Variants in INTS6 observed in about 807,000 individuals in gnomAD.
The protein encoded by INTS6 is DEAD box protein.
INTS6 carries 16 observed loss-of-function variants against 104.9 expected under a neutral mutation model. That is an observed-to-expected ratio of 0.15 (90% CI 0.10 to 0.23). The LOEUF (loss-of-function observed/expected upper bound fraction) is 0.23, where lower values mean the gene tolerates loss of function less well. Among genes scored for constraint, INTS6 ranks in the 10% least tolerant of loss-of-function variants. The pLI, the probability that INTS6 is intolerant of heterozygous loss-of-function variation, is 1.00. For synonymous variants in INTS6, 324 were observed against 358.7 expected (o/e 0.90, Z 1.09); for missense variants, 584 against 1,062.8 (o/e 0.55, Z 6.26).
chr13:51,345,873 G>C, the INTS6 span, among the ~76,000 whole-genome samples: 2 of 152,202 alleles, frequency 1.3e-5, no homozygotes, highest in African/African-American at 2.4e-5. Context: ...GGGGCAGTTG[G>C]CTCAGTTGCT....
chr13:51,450,870 G>A, intron 3 of INTS6, 155 bp downstream of exon 3: 1 of 1,259,694 alleles, frequency 7.9e-7, no homozygotes, highest in Non-Finnish European at 1.0e-6. Flanking sequence ...AATATATATA[G>A]TAGGGTAAGA....
At chr13:51,443,041 A>G (rs1952826960) in intron 3 of INTS6, 1 of 152,258 alleles carries the variant, frequency 6.6e-6, no homozygotes, top group Non-Finnish European at 1.5e-5. Flanking sequence ...ATACTGCATT[A>G]CAGAACTATA....
At chr13:51,344,552 C>A in the INTS6 span, 3 of 1,314,872 alleles carry the variant, frequency 2.3e-6, no homozygotes, top group South Asian at 1.3e-5. Context: ...TCTCACCCAT[C>A]ACTTGTCAGA....
rs1480417645 is a variant in INTS6, at chr13:51,362,920, C to T, written c.*2832G>A. ...GAAAAAGTCCATCAACAGAGTATGT[C>T]TTCCTAGTATTTCACCATGATCATC... On this transcript the variant is annotated 3_prime_UTR_variant, in exon 18 of 18. Transcript: ENST00000311234. The T allele has an allele frequency of 6.6e-6, 1 of 152,194 alleles. No homozygotes were observed. Among genetic ancestry groups the T allele is most frequent in the Non-Finnish European group, 1.5e-5 (1 of 67,878 alleles). 9.4% of individuals were successfully genotyped at this position (152,194 alleles called of 1,614,324 possible).
chr13:51,402,291 T>G (rs1237453960), intron 4 of INTS6, among the ~76,000 whole-genome samples: 2 of 152,156 alleles, frequency 1.3e-5, no homozygotes, highest in Non-Finnish European at 2.9e-5. Context: ...TGAACTGTAA[T>G]ATAAGATTGT....
Position 51,362,043 on chromosome 13 carries a change from C to A in INTS6, c.*3709G>T. On this transcript the variant is annotated 3_prime_UTR_variant, in exon 18 of 18. Transcript: ENST00000311234. ...AAGCTACCCAGTTGCTATCTTCTAT[C>A]CTAAGAAAGGGGACTATTTCGTAAG... 1 of 1,586,634 alleles carries A rather than the reference C, an allele frequency of 6.3e-7. No individual in the cohort carries two copies. Among genetic ancestry groups the A allele is most frequent in the African/African-American group, 1.4e-5 (1 of 73,088 alleles).
intron 4 of INTS6, among the ~76,000 whole-genome samples, chr13:51,424,914 T>C (rs775528715): frequency 6.6e-6 from 1 of 152,048 alleles, no homozygotes; most frequent in Non-Finnish European, 1.5e-5. Flanking sequence ...TCTAAGTGTC[T>C]TAGGAAAAGC....
At chr13:51,394,028 T>TAAA (rs796248495) in intron 5 of INTS6, among the ~76,000 whole-genome samples, 1 of 141,438 alleles carries the variant, frequency 7.1e-6, no homozygotes, top group Non-Finnish European at 1.5e-5. Flanking sequence ...CCCCAGAGTT[T>TAAA]AAAAAAAAAA....
chr13:51,346,915 G>A, the INTS6 span: 2 of 727,494 alleles, frequency 2.7e-6, no homozygotes, highest in African/African-American at 1.7e-5. Flanking sequence ...TAAGCAAAAA[G>A]ACCTGCATTT....
chr13:51,353,158 A>C (rs1261410767), downstream of INTS6, among the ~76,000 whole-genome samples: 1 of 152,172 alleles, frequency 6.6e-6, no homozygotes, highest in East Asian at 1.9e-4. Flanking sequence ...CATACAAGAC[A>C]ATCACTCTAA....
At chr13:51,350,713 G>A (rs201708390), downstream of INTS6, among the ~76,000 whole-genome samples, 43 of 152,164 alleles carry the variant, frequency 2.8e-4, no homozygotes, top group East Asian at 8.3e-3. Context: ...TGTTCACAAA[G>A]TTGTGCAACC....
At chr13:51,408,493 AG>A (rs560901887) in intron 4 of INTS6, among the ~76,000 whole-genome samples, 132 of 152,310 alleles carry the variant, frequency 8.7e-4, no homozygotes, top group South Asian at 1.9e-3. Context: ...CACATTGGCC[AG>A]GAATCTTAAA....
At chr13:51,425,833 G>GT (rs1218784673) in intron 4 of INTS6, among the ~76,000 whole-genome samples, 2 of 151,952 alleles carry the variant, frequency 1.3e-5, no homozygotes, top group African/African-American at 4.8e-5. Flanking sequence ...CTGGACACAG[G>GT]TATGTTTATC....
At chr13:51,425,349 T>C (rs558611196) in intron 4 of INTS6, among the ~76,000 whole-genome samples, 2 of 152,136 alleles carry the variant, frequency 1.3e-5, no homozygotes, top group Non-Finnish European at 2.9e-5. Flanking sequence ...GTTACAAAAG[T>C]AGTTGTCCTA....
At chr13:51,379,111 T>C (rs1408161578) in intron 11 of INTS6, among the ~76,000 whole-genome samples, 2 of 151,708 alleles carry the variant, frequency 1.3e-5, no homozygotes, top group South Asian at 2.1e-4. Flanking sequence ...GAAAGAAAAA[T>C]CTGCAGGTTT....
chr13:51,390,292 T>C (rs1312658444), intron 5 of INTS6, among the ~76,000 whole-genome samples: 1 of 151,962 alleles, frequency 6.6e-6, no homozygotes, highest in African/African-American at 2.4e-5. Flanking sequence ...GTTGACTTAG[T>C]ATGAAAAAAT....
Position 51,362,127 on chromosome 13 carries a change from G to T in INTS6, c.*3625C>A. The T allele has an allele frequency of 7.5e-7, 1 of 1,331,842 alleles. No homozygotes were observed. Among genetic ancestry groups the T allele is most frequent in the Non-Finnish European group, 9.8e-7 (1 of 1,024,512 alleles). The allele number at this position is 1,331,842 out of a possible 1,614,324, so 82.5% of individuals were successfully genotyped here. On this transcript the variant is annotated 3_prime_UTR_variant, in exon 18 of 18. Transcript: ENST00000311234. The stretch of plus-strand genomic sequence containing the variant: ...TTCTCATTCTCTCAGCTCATATATA[G>T]TTAATGTAGATTTTTTTTTTTAATG...
intron 3 of INTS6, chr13:51,436,430 T>C (rs971347294): frequency 6.6e-6 from 1 of 152,202 alleles, no homozygotes; most frequent in African/African-American, 2.4e-5. Flanking sequence ...TGTGTTCCGA[T>C]ACAATTCCTT....
chr13:51,346,349 A>T, the INTS6 span, among the ~76,000 whole-genome samples: 4 of 152,124 alleles, frequency 2.6e-5, no homozygotes, highest in African/African-American at 4.8e-5. Context: ...AATGTGCAGG[A>T]TCTCCCATCA....
Sources: allele counts gnomAD v4.1 joint callset (sites outside exome capture counted in the v4.1 genomes callset), GRCh38; gene constraint gnomAD v4.1.1; transcripts MANE v1.5; gene names NCBI Gene and HGNC (gene_info 2026-07-23, HGNC 2026-07-21).